NPSR1: variants seen among roughly 807,000 people sequenced by gnomAD.
The protein encoded by NPSR1 is neuropeptide S receptor 1.
NPSR1 carries 48 observed loss-of-function variants against 46.9 expected under a neutral mutation model. The ratio of observed to expected loss-of-function variants is 1.02; its 90% CI spans 0.81 to 1.30. The LOEUF (loss-of-function observed/expected upper bound fraction) is 1.30, where lower values mean the gene tolerates loss of function less well. Ranked by LOEUF, NPSR1 falls within the 50% of genes most tolerant of loss-of-function variation. The probability of loss-of-function intolerance (pLI) is 0.00; values close to 1 mark genes in which losing one functional copy is unlikely to be tolerated. For missense variants in NPSR1, 450 were observed against 449.5 expected (o/e 1.00, Z -0.01); for synonymous variants, 176 against 168.1 (o/e 1.05, Z -0.36).
intron 2 of NPSR1, among the ~76,000 whole-genome samples, chr7:34,725,647 C>A (rs1465565319): frequency 6.6e-6 from 1 of 152,164 alleles, no homozygotes; most frequent in East Asian, 1.9e-4. Flanking sequence ...CTTTTCCGCC[C>A]CATACCAGCT....
chr7:34,813,742 T>C (rs1406847062), intron 4 of NPSR1, among the ~76,000 whole-genome samples: 1 of 152,232 alleles, frequency 6.6e-6, no homozygotes, highest in East Asian at 1.9e-4. Context: ...TCACTTCTAG[T>C]TATGGGAGTT....
chr7:34,752,252 G>C (rs955673213), intron 2 of NPSR1, among the ~76,000 whole-genome samples: 1 of 152,048 alleles, frequency 6.6e-6, no homozygotes, highest in African/African-American at 2.4e-5. Context: ...CCTTCCTCTG[G>C]AGCCTCAGTA....
chr7:34,724,015 C>T (rs922837673), intron 2 of NPSR1, among the ~76,000 whole-genome samples: 1 of 152,138 alleles, frequency 6.6e-6, no homozygotes, highest in Non-Finnish European at 1.5e-5. Context: ...ATCTTCCACA[C>T]TGAGTTAGTC....
intron 8 of NPSR1, among the ~76,000 whole-genome samples, chr7:34,870,648 T>C (rs1164484640): frequency 6.6e-6 from 1 of 151,746 alleles, no homozygotes; most frequent in East Asian, 1.9e-4. Context: ...AGGGAAGATA[T>C]GAGCCACAAG....
chr7:34,669,889 GA>G (rs1791960003), intron 1 of NPSR1, among the ~76,000 whole-genome samples: 1 of 152,072 alleles, frequency 6.6e-6, no homozygotes, highest in Non-Finnish European at 1.5e-5. Context: ...AGAGGATCGT[GA>G]AAAAACGAGA....
At chr7:34,787,054 T>A (rs1024170195) in intron 3 of NPSR1, among the ~76,000 whole-genome samples, 1 of 152,134 alleles carries the variant, frequency 6.6e-6, no homozygotes, top group Non-Finnish European at 1.5e-5. Flanking sequence ...GGCATTGACT[T>A]CTCCTCTCTA....
intron 2 of NPSR1, chr7:34,751,680 G>A (rs747488120): frequency 1.4e-5 from 22 of 1,590,542 alleles, no homozygotes; most frequent in Non-Finnish European, 1.9e-5. Context: ...GGGACAAGAG[G>A]TTCATCAACA....
intron 3 of NPSR1, among the ~76,000 whole-genome samples, chr7:34,790,861 T>TATATATGTTACATGTTATATTATATATC (rs1787751879): frequency 8.6e-6 from 1 of 115,816 alleles, no homozygotes; most frequent in African/African-American, 3.5e-5. Context: ...TATGTTATGT[T>TATATATGTTACATGTTATATTATATATC]ATATATGTTA....
At chr7:34,711,815 C>T (rs555500401) in intron 2 of NPSR1, among the ~76,000 whole-genome samples, 1 of 152,334 alleles carries the variant, frequency 6.6e-6, no homozygotes, top group East Asian at 1.9e-4. Flanking sequence ...CCTCCCATTG[C>T]CCCACAGTTC....
At chr7:34,809,160 G>C (rs1304415995) in intron 3 of NPSR1, among the ~76,000 whole-genome samples, 1 of 151,992 alleles carries the variant, frequency 6.6e-6, no homozygotes, top group African/African-American at 2.4e-5. Context: ...CTCCTCCTCT[G>C]TTTGTTGCCA....
intron 2 of NPSR1, among the ~76,000 whole-genome samples, chr7:34,689,955 TAA>T (rs112039936): frequency 0.13 from 18,034 of 136,634 alleles, 1,155 homozygotes; most frequent in Middle Eastern, 0.18. Flanking sequence ...TAAAAAAAAT[TAA>T]AAAAAAAAAA....
chr7:34,819,258 T>C (rs544793796), intron 4 of NPSR1, among the ~76,000 whole-genome samples: 2 of 152,270 alleles, frequency 1.3e-5, no homozygotes, highest in African/African-American at 4.8e-5. Context: ...GGGCAAAGGA[T>C]ATGAACAGAC....
At chr7:34,782,582 CA>C (rs1402531826) in intron 3 of NPSR1, among the ~76,000 whole-genome samples, 2 of 152,244 alleles carry the variant, frequency 1.3e-5, no homozygotes, top group African/African-American at 4.8e-5. Context: ...CCTCATAGGG[CA>C]TGGTCTTTCC....
chr7:34,702,823 T>C (rs149153275), intron 2 of NPSR1, among the ~76,000 whole-genome samples: 24 of 152,372 alleles, frequency 1.6e-4, no homozygotes, highest in African/African-American at 5.8e-4. Context: ...CTTTTGTGGC[T>C]TTTGAATTGG....
intron 3 of NPSR1, among the ~76,000 whole-genome samples, chr7:34,790,944 T>C (rs1304678521): frequency 8.1e-6 from 1 of 123,530 alleles, no homozygotes; most frequent in Non-Finnish European, 1.6e-5. Flanking sequence ...ATATTATATA[T>C]CATATATGTT....
At position 34,849,739 on chromosome 7, in the gene NPSR1, C is replaced by A; in HGVS notation, c.*84C>A. ...CCTGCTTGGGCACGTGCATGGAACC[C>A]GAGCCAACTTCACCCCACCCTCGTC... On this transcript the variant is annotated 3_prime_UTR_variant, in exon 9 of 9. Transcript: ENST00000360581. The A allele has an allele frequency of 1.9e-6, 3 of 1,580,528 alleles. No individual in the cohort carries two copies. The highest frequency in any genetic ancestry group is 1.2e-5 in the South Asian group (1 of 85,986).
rs940943695 is a variant in NPSR1 at position 34,791,095 on chromosome 7, TTATA to T, written c.384+12535_384+12538del. Among the ~76,000 whole-genome samples the T allele has an allele frequency of 2.8e-5, 3 of 106,128 alleles. 1 individual carries two copies. Among genetic ancestry groups the T allele is most frequent in the East Asian group, 2.3e-4 (1 of 4,424 alleles). 69.6% of individuals were successfully genotyped at this position (106,128 alleles called of 152,430 possible). On this transcript the variant is annotated intron_variant, in intron 3 of 8. Coordinates refer to ENST00000360581, the MANE Select transcript of NPSR1 (RefSeq NM_207172.2). ...TTATATATGTTATATGTTATATATA[TTATA>T]TATAATATGTTATATAATATAATAT...
intron 2 of NPSR1, among the ~76,000 whole-genome samples, chr7:34,716,398 A>T (rs753927093): frequency 3.3e-5 from 5 of 152,196 alleles, no homozygotes; most frequent in Non-Finnish European, 7.3e-5. Flanking sequence ...TTGACTTAAG[A>T]AGAGCAGAAG....
chr7:34,689,060 C>T (rs1339127437), intron 2 of NPSR1, among the ~76,000 whole-genome samples: 1 of 152,206 alleles, frequency 6.6e-6, no homozygotes, highest in African/African-American at 2.4e-5. Flanking sequence ...TGCCTCAGAG[C>T]TAATGCTTCT....
Sources: gnomAD v4.1 joint callset for allele counts (sites outside exome capture counted in the v4.1 genomes callset) on GRCh38, gnomAD v4.1.1 for gene constraint, MANE v1.5 for transcripts, NCBI Gene and HGNC (gene_info 2026-07-23, HGNC 2026-07-21) for gene names.